Variants in IFNGR2 observed in about 807,000 individuals in gnomAD.
IFNGR2 encodes the protein IFN-gamma receptor 2.
IFNGR2 carries 15 observed loss-of-function variants against 41.1 expected under a neutral mutation model. That is an observed-to-expected ratio of 0.37 (90% CI 0.24 to 0.56). IFNGR2 has a LOEUF of 0.56. Among genes scored for constraint, IFNGR2 ranks in the 20% least tolerant of loss-of-function variants. The probability of loss-of-function intolerance (pLI) is 0.81; values close to 1 mark genes in which losing one functional copy is unlikely to be tolerated. For missense variants in IFNGR2, 362 were observed against 415.7 expected (o/e 0.87, Z 1.12); for synonymous variants, 161 against 171.6 (o/e 0.94, Z 0.48).
chr21:33,409,994 T>C (rs1205099422), intron 1 of IFNGR2, among the ~76,000 whole-genome samples: 1 of 151,696 alleles, frequency 6.6e-6, no homozygotes, highest in Non-Finnish European at 1.5e-5. Context: ...TAAGCTTCAT[T>C]TTTTTTTGTT....
chr21:33,417,031 T>C (rs116442223), intron 2 of IFNGR2, among the ~76,000 whole-genome samples: 13 of 150,968 alleles, frequency 8.6e-5, no homozygotes, highest in African/African-American at 3.2e-4. Flanking sequence ...GCAATTCTTA[T>C]ACCTCAGCCT....
intron 6 of IFNGR2, among the ~76,000 whole-genome samples, chr21:33,436,266 T>A (rs1386677765): frequency 6.6e-6 from 1 of 151,488 alleles, no homozygotes; most frequent in South Asian, 2.1e-4. Context: ...GAGGCAGAGG[T>A]TGCAGTGAGA....
At chr21:33,431,369 A>T (rs943363978) in intron 4 of IFNGR2, among the ~76,000 whole-genome samples, 4 of 152,138 alleles carry the variant, frequency 2.6e-5, no homozygotes, top group Admixed American at 6.5e-5. Flanking sequence ...CAGGAGCTCG[A>T]GACCAGCCTG....
chr21:33,423,355 T>A lies in IFNGR2; in HGVS notation c.412+1670T>A, dbSNP rs576072781. On this transcript the variant is annotated intron_variant, in intron 3 of 6. Coordinates refer to ENST00000290219, the MANE Select transcript of IFNGR2 (RefSeq NM_005534.4). ...CACCCAGCCTATCTTCTCTCTACTT[T>A]CTATGTGTTTGAAATTTTCTGTAAT... 2.4e-3 allele frequency among the ~76,000 whole-genome samples: 364 copies of A among 151,022 alleles called. 1 individual carries two copies. The highest frequency in any genetic ancestry group is 4.0e-3 in the Non-Finnish European group (268 of 67,748).
chr21:33,403,717 G>A (rs1000015493), intron 1 of IFNGR2, 101 bp downstream of exon 1: 1 of 775,122 alleles, frequency 1.3e-6, no homozygotes, highest in Non-Finnish European at 1.7e-6. Context: ...TCTGCCGGGT[G>A]CTCAGAGTGG....
intron 3 of IFNGR2, among the ~76,000 whole-genome samples, chr21:33,423,980 A>G (rs1238159690): frequency 6.6e-6 from 1 of 152,070 alleles, no homozygotes; most frequent in African/African-American, 2.4e-5. Context: ...ATAAAGTGTC[A>G]AATAAGTGGG....
At position 33,426,923 on chromosome 21, in the gene IFNGR2, G is replaced by C. The variant is rs1485057893; in HGVS notation, c.452G>C (p.Gly151Ala). The C allele has an allele frequency of 1.2e-5, 19 of 1,613,616 alleles. No individual in the cohort carries two copies. The highest frequency in any genetic ancestry group is 1.5e-5 in the Non-Finnish European group (18 of 1,179,862). The change falls in exon 4 of 7, where the codon GGA becomes GCA. Residue 151 changes from glycine (G) to alanine (A), a missense_variant. Coordinates refer to ENST00000290219, the MANE Select transcript of IFNGR2 (RefSeq NM_005534.4). ...GPPENIEVTP[G>A]EGSLIIRFSS... ...CCAGAAAACATTGAGGTGACCCCAG[G>C]AGAAGGCTCCCTCATCATCAGGTTC...
Position 33,437,115 on chromosome 21 carries a change from G to A in IFNGR2, c.*153G>A, listed in dbSNP as rs899617106. The A allele has an allele frequency of 6.1e-6, 4 of 650,434 alleles. No individual in the cohort carries two copies. The highest frequency in any genetic ancestry group is 1.1e-5 in the Non-Finnish European group (4 of 377,032). 40.3% of individuals were successfully genotyped at this position (650,434 alleles called of 1,614,324 possible). On this transcript the variant is annotated 3_prime_UTR_variant, in exon 7 of 7. Transcript: ENST00000290219. ...GACATGAGAGACAGCAGGTCTCATGGGGGTGACAAGCTTTTTTTTTTTTTC... is the reference window on the plus strand; with the variant it reads ...GACATGAGAGACAGCAGGTCTCATGAGGGTGACAAGCTTTTTTTTTTTTTC...
intron 2 of IFNGR2, among the ~76,000 whole-genome samples, chr21:33,419,688 T>A (rs1482496682): frequency 1.3e-5 from 2 of 152,240 alleles, no homozygotes; most frequent in Non-Finnish European, 2.9e-5. Context: ...TCCTAAGTCA[T>A]GACCTCGTAC....
chr21:33,406,304 AG>A (rs775370125), intron 1 of IFNGR2, among the ~76,000 whole-genome samples: 12 of 151,972 alleles, frequency 7.9e-5, no homozygotes, highest in Non-Finnish European at 1.3e-4. Flanking sequence ...TGAACCTGGG[AG>A]GGGAGGTTGC....
chr21:33,436,144 G>C (rs1449329851), intron 6 of IFNGR2, among the ~76,000 whole-genome samples: 1 of 147,756 alleles, frequency 6.8e-6, no homozygotes, highest in African/African-American at 2.5e-5. Flanking sequence ...GATCACCTGA[G>C]GTCAGGAGTT....
At chr21:33,411,015 G>C in intron 1 of IFNGR2, 1 of 747,016 alleles carries the variant, frequency 1.3e-6, no homozygotes, top group African/African-American at 1.7e-5. Flanking sequence ...GAACACAGAG[G>C]CTGGGCTGCC....
intron 2 of IFNGR2, among the ~76,000 whole-genome samples, chr21:33,418,054 G>A (rs538675823): frequency 4.0e-5 from 6 of 151,708 alleles, no homozygotes; most frequent in Non-Finnish European, 7.4e-5. Flanking sequence ...ACAGAGTCTC[G>A]CTCTGTCATC....
intron 4 of IFNGR2, among the ~76,000 whole-genome samples, chr21:33,430,223 T>TA (rs2083874031): frequency 6.6e-6 from 1 of 152,216 alleles, no homozygotes; most frequent in African/African-American, 2.4e-5. Context: ...CAAAGGGCAT[T>TA]AGTGTTAGGC....
At chr21:33,436,181 C>A (rs2123382348) in intron 6 of IFNGR2, among the ~76,000 whole-genome samples, 1 of 146,352 alleles carries the variant, frequency 6.8e-6, no homozygotes, top group Admixed American at 6.9e-5. Context: ...ACATGGGAAA[C>A]CCCGTCTCTA....
chr21:33,422,119 C>T (rs753100064), intron 3 of IFNGR2, among the ~76,000 whole-genome samples: 4 of 152,242 alleles, frequency 2.6e-5, no homozygotes, highest in Non-Finnish European at 4.4e-5. Flanking sequence ...ATCACCCTTA[C>T]TTATTCTGGT....
At position 33,437,492 on chromosome 21, in the gene IFNGR2, G is replaced by A. The variant is rs1038274959; in HGVS notation, c.*530G>A. 6.5e-6 allele frequency: 1 copy of A among 154,792 alleles called. No individual in the cohort carries two copies. Among genetic ancestry groups the A allele is most frequent in the Admixed American group, 6.4e-5 (1 of 15,682 alleles). 9.6% of individuals were successfully genotyped at this position (154,792 alleles called of 1,614,324 possible). A position where few individuals can be genotyped will look rare whatever the true frequency, so the allele number is the denominator to read the frequency against. ...TTTTGTTTTTAAACTGGAAATAAAA[G>A]ATTGTATAGTGCATGTTTTTTAAAG... On this transcript the variant is annotated 3_prime_UTR_variant, in exon 7 of 7. Transcript: ENST00000290219.
At position 33,437,104 on chromosome 21, in the gene IFNGR2, C is replaced by A. The variant is rs2083963005; in HGVS notation, c.*142C>A. 1.4e-6 allele frequency: 1 copy of A among 722,162 alleles called. No homozygotes were observed. The highest frequency in any genetic ancestry group is 2.4e-6 in the Non-Finnish European group (1 of 425,194). 44.7% of individuals were successfully genotyped at this position (722,162 alleles called of 1,614,324 possible). A position where few individuals can be genotyped will look rare whatever the true frequency, so the allele number is the denominator to read the frequency against. ...CTGTCCCTGCAGACATGAGAGACAG[C>A]AGGTCTCATGGGGGTGACAAGCTTT... On this transcript the variant is annotated 3_prime_UTR_variant, in exon 7 of 7. Transcript: ENST00000290219.
chr21:33,411,222 A>G (rs772964938), intron 1 of IFNGR2, among the ~76,000 whole-genome samples: 8 of 152,210 alleles, frequency 5.3e-5, no homozygotes, highest in Non-Finnish European at 8.8e-5. Flanking sequence ...GAAACGGAAA[A>G]TGAAGGAAAT....
Sources: gnomAD v4.1 joint callset for allele counts (sites outside exome capture counted in the v4.1 genomes callset) on GRCh38, gnomAD v4.1.1 for gene constraint, MANE v1.5 for transcripts, NCBI Gene and HGNC (gene_info 2026-07-23, HGNC 2026-07-21) for gene names.